The following GRM5 variants were observed in gnomAD, a reference collection of about 807,000 sequenced individuals.
GRM5 encodes the protein glutamate metabotropic receptor 5.
A neutral mutation model predicts 83.1 loss-of-function variants in GRM5; 19 were observed. That is an observed-to-expected ratio of 0.23 (90% CI 0.16 to 0.34). The LOEUF (loss-of-function observed/expected upper bound fraction) is 0.34, where lower values mean the gene tolerates loss of function less well. Ranked by LOEUF, GRM5 falls within the 10% of genes least tolerant of loss-of-function variation. GRM5 has a pLI of 1.00. For synonymous variants in GRM5, 675 were observed against 633.6 expected (o/e 1.07, Z -0.98); for missense variants, 1,160 against 1,588.3 (o/e 0.73, Z 4.58).
chr11:88,898,374 G>A (rs1945266575), intron 2 of GRM5, among the ~76,000 whole-genome samples: 1 of 151,902 alleles, frequency 6.6e-6, no homozygotes, highest in South Asian at 2.1e-4. Context: ...TGTAGTAATG[G>A]GCATTTGGAC....
At chr11:88,903,789 T>C (rs1157326560) in intron 2 of GRM5, among the ~76,000 whole-genome samples, 1 of 152,212 alleles carries the variant, frequency 6.6e-6, no homozygotes, top group African/African-American at 2.4e-5. Context: ...AATTACTTAA[T>C]AGGTACAACG....
At chr11:88,831,620 C>T (rs1282921531) in intron 3 of GRM5, among the ~76,000 whole-genome samples, 1 of 152,196 alleles carries the variant, frequency 6.6e-6, no homozygotes, top group Non-Finnish European at 1.5e-5. Flanking sequence ...TTGGCAATCG[C>T]TCTGCCCCAT....
intron 3 of GRM5, among the ~76,000 whole-genome samples, chr11:88,820,913 G>C (rs1943778627): frequency 1.3e-5 from 2 of 152,152 alleles, no homozygotes; most frequent in East Asian, 1.9e-4. Flanking sequence ...TATTCCTGAT[G>C]AAAGTGATTT....
chr11:88,636,950 C>T (rs61902040), intron 4 of GRM5, among the ~76,000 whole-genome samples: 18,625 of 152,144 alleles, frequency 0.12, 1,482 homozygotes, highest in Middle Eastern at 0.19. Flanking sequence ...TTTTGGTTAC[C>T]GTAGCCTTGT....
At chr11:88,776,327 G>A (rs1251358608) in intron 3 of GRM5, among the ~76,000 whole-genome samples, 1 of 152,030 alleles carries the variant, frequency 6.6e-6, no homozygotes. Flanking sequence ...TTGAGCCTGT[G>A]TGTGTCTTTG....
At chr11:88,722,485 C>T (rs1302771278) in intron 3 of GRM5, among the ~76,000 whole-genome samples, 1 of 152,118 alleles carries the variant, frequency 6.6e-6, no homozygotes, top group Non-Finnish European at 1.5e-5. Flanking sequence ...TTGTACATTT[C>T]AGAAGCCATA....
At chr11:89,032,827 C>G (rs1941293312) in intron 2 of GRM5, among the ~76,000 whole-genome samples, 1 of 152,052 alleles carries the variant, frequency 6.6e-6, no homozygotes, top group African/African-American at 2.4e-5. Flanking sequence ...AGAGCTCCCA[C>G]TGTTAGAAAT....
chr11:88,960,619 A>G (rs911826537), intron 2 of GRM5, among the ~76,000 whole-genome samples: 2 of 152,166 alleles, frequency 1.3e-5, no homozygotes, highest in Admixed American at 1.3e-4. Context: ...AAGCAGGAAG[A>G]TGAGTTGGGA....
chr11:88,844,835 T>C (rs141397191), intron 3 of GRM5, among the ~76,000 whole-genome samples: 111 of 152,312 alleles, frequency 7.3e-4, no homozygotes, highest in Middle Eastern at 3.4e-3. Flanking sequence ...GCAGGAGAAC[T>C]AGAATTAGAA....
At position 88,539,966 on chromosome 11, in the gene GRM5, G is replaced by A. The variant is rs78632281; in HGVS notation, c.2631-14562C>T. Among the ~76,000 whole-genome samples the A allele has an allele frequency of 5.1e-4, 77 of 152,202 alleles. No individual in the cohort carries two copies. The East Asian group carries it at 0.012, about 24-fold the overall frequency. The stretch of plus-strand genomic sequence containing the variant: ...TAGTAACTGTCTTTCTCACTACACC[G>A]TAAAGTTTATGGCTACCTGGGCACG... On this transcript the variant is annotated intron_variant, in intron 8 of 9. Coordinates refer to ENST00000305447, the MANE Select transcript of GRM5 (RefSeq NM_001143831.3).
At chr11:88,835,017 A>G (rs1944067234) in intron 3 of GRM5, among the ~76,000 whole-genome samples, 2 of 152,164 alleles carry the variant, frequency 1.3e-5, no homozygotes, top group African/African-American at 2.4e-5. Flanking sequence ...TAAAATATCT[A>G]CAATGTGTTA....
In GRM5 at chr11:88,697,794, T is replaced by C. The variant is rs79575534; in HGVS notation, c.912-44391A>G. ...CTCTAAAGTAATAGATTTCTCTTTG[T>C]ATGCAAGTGAAATCTTTAAATATAT... On this transcript the variant is annotated intron_variant, in intron 3 of 9. Coordinates refer to ENST00000305447, the MANE Select transcript of GRM5 (RefSeq NM_001143831.3). 6.1e-3 allele frequency among the ~76,000 whole-genome samples: 928 copies of C among 152,356 alleles called. 21 individuals carry two copies. Among genetic ancestry groups the C allele is most frequent in the East Asian group, 0.042 (216 of 5,190 alleles).
At chr11:88,933,187 A>AGTT (rs773606488) in intron 2 of GRM5, among the ~76,000 whole-genome samples, 1 of 106,318 alleles carries the variant, frequency 9.4e-6, no homozygotes, top group African/African-American at 3.6e-5. Context: ...TATTTGGGGC[A>AGTT]TTTTTTTTTT....
chr11:88,648,145 A>C (rs1184350495), intron 4 of GRM5, among the ~76,000 whole-genome samples: 1 of 152,144 alleles, frequency 6.6e-6, no homozygotes, highest in Non-Finnish European at 1.5e-5. Flanking sequence ...CCACCATCCC[A>C]TTACTGGGTA....
chr11:88,551,519 TC>T (rs1160483750), intron 8 of GRM5, among the ~76,000 whole-genome samples: 3 of 152,116 alleles, frequency 2.0e-5, no homozygotes, highest in Non-Finnish European at 4.4e-5. Context: ...AATTCTTTTT[TC>T]CCCCTCCAGA....
intron 3 of GRM5, among the ~76,000 whole-genome samples, chr11:88,842,455 A>G (rs1204897831): frequency 6.6e-6 from 1 of 152,126 alleles, no homozygotes; most frequent in Non-Finnish European, 1.5e-5. Context: ...TAGCTACTTC[A>G]TTGTTAATCT....
intron 2 of GRM5, among the ~76,000 whole-genome samples, chr11:88,940,095 C>T (rs1938038525): frequency 6.6e-6 from 1 of 152,044 alleles, no homozygotes; most frequent in East Asian, 1.9e-4. Context: ...TTTTAAACGT[C>T]AGGGTTCTTA....
intron 2 of GRM5, among the ~76,000 whole-genome samples, chr11:88,925,322 G>GTTTTA (rs1945768917): frequency 8.3e-5 from 1 of 12,026 alleles, no homozygotes; most frequent in African/African-American, 1.5e-4. Flanking sequence ...ACTTTTTGCT[G>GTTTTA]CTTTATTTTT....
intron 3 of GRM5, among the ~76,000 whole-genome samples, chr11:88,763,227 G>A (rs1315769047): frequency 6.6e-6 from 1 of 151,472 alleles, no homozygotes; most frequent in African/African-American, 2.4e-5. Flanking sequence ...AGTAGAAGCT[G>A]GAAGAATTAA....
Sources: allele counts gnomAD v4.1 joint callset (sites outside exome capture counted in the v4.1 genomes callset), GRCh38; gene constraint gnomAD v4.1.1; transcripts MANE v1.5; gene names NCBI Gene and HGNC (gene_info 2026-07-23, HGNC 2026-07-21).